MAP2: variants seen among roughly 807,000 people sequenced by gnomAD.
MAP2 encodes microtubule associated protein 2, also known as microtubule-associated protein 2.
In MAP2, 14 loss-of-function variants were observed where a neutral mutation model predicts 137.6. The observed-to-expected ratio is 0.10, with a 90% CI of 0.07 to 0.16. MAP2 has a LOEUF of 0.16. Among genes scored for constraint, MAP2 ranks in the 10% least tolerant of loss-of-function variants. MAP2 has a pLI of 1.00. For synonymous variants in MAP2, 786 were observed against 782.3 expected (o/e 1.00, Z -0.08); for missense variants, 2,088 against 2,191.5 (o/e 0.95, Z 0.94).
chr2:209,733,839 T>C lies in MAP2; in HGVS notation c.*3442T>C, dbSNP rs1345611527. ...AAAGCTTATTTTCAAACTCAGAAAA[T>C]AAAATGTCAATCATAAAAATCTACT... On this transcript the variant is annotated 3_prime_UTR_variant, in exon 16 of 16. Coordinates refer to ENST00000682079, the MANE Select transcript of MAP2 (RefSeq NM_001375505.1). 1 of 152,226 alleles carries C rather than the reference T, an allele frequency of 6.6e-6. No individual in the cohort carries two copies. Among genetic ancestry groups the C allele is most frequent in the South Asian group, 2.1e-4 (1 of 4,812 alleles). 9.4% of individuals were successfully genotyped at this position (152,226 alleles called of 1,614,324 possible).
chr2:209,560,445 C>T (rs1438855900), intron 2 of MAP2, among the ~76,000 whole-genome samples: 1 of 151,134 alleles, frequency 6.6e-6, no homozygotes, highest in Admixed American at 6.6e-5. Flanking sequence ...ACCTATGTCA[C>T]ATTTAAGGAA....
intron 7 of MAP2, among the ~76,000 whole-genome samples, chr2:209,687,639 G>A (rs1369689899): frequency 6.6e-6 from 1 of 152,114 alleles, no homozygotes; most frequent in African/African-American, 2.4e-5. Context: ...CCCTTGTGTA[G>A]GTGTTTGTTT....
At chr2:209,574,279 A>G (rs1338357648) in intron 2 of MAP2, among the ~76,000 whole-genome samples, 1 of 152,084 alleles carries the variant, frequency 6.6e-6, no homozygotes, top group East Asian at 1.9e-4. Context: ...AATTTTTATT[A>G]TTATTGTTAT....
intron 4 of MAP2, among the ~76,000 whole-genome samples, chr2:209,649,185 A>C (rs10169017): frequency 0.18 from 27,617 of 151,816 alleles, 3,529 homozygotes; most frequent in African/African-American, 0.36. Flanking sequence ...CTAATTAAAA[A>C]AAAATTTTTT....
chr2:209,640,916 C>G (rs899988054), intron 4 of MAP2, among the ~76,000 whole-genome samples: 5 of 118,204 alleles, frequency 4.2e-5, no homozygotes, highest in Non-Finnish European at 9.0e-5. Flanking sequence ...ACTGCCATTT[C>G]TTCTCCAACT....
chr2:209,449,918 T>C (rs1249090181), intron 1 of MAP2, among the ~76,000 whole-genome samples: 1 of 152,156 alleles, frequency 6.6e-6, no homozygotes, highest in Non-Finnish European at 1.5e-5. Flanking sequence ...AAGTCACTTA[T>C]CTTTTTTATT....
At chr2:209,594,892 A>T (rs2080822208) in intron 3 of MAP2, among the ~76,000 whole-genome samples, 1 of 152,196 alleles carries the variant, frequency 6.6e-6, no homozygotes, top group South Asian at 2.1e-4. Context: ...ATAAATGTCA[A>T]CTGTCTTTAT....
intron 1 of MAP2, among the ~76,000 whole-genome samples, chr2:209,494,805 T>C (rs767994285): frequency 7.2e-5 from 11 of 152,208 alleles, no homozygotes; most frequent in Admixed American, 3.3e-4. Context: ...CTAAAAGAGA[T>C]TGAGATATTT....
intron 3 of MAP2, among the ~76,000 whole-genome samples, chr2:209,599,493 T>C (rs1425414933): frequency 2.0e-5 from 3 of 152,186 alleles, no homozygotes; most frequent in Non-Finnish European, 4.4e-5. Context: ...TAGGCATTCA[T>C]TTTTCTTGTG....
chr2:209,691,866 T>C, intron 7 of MAP2, among the ~76,000 whole-genome samples: 1 of 152,230 alleles, frequency 6.6e-6, no homozygotes, highest in South Asian at 2.1e-4. Context: ...GATTTTCTTA[T>C]ATCTACCGTA....
chr2:209,658,142 A>G (rs77055741), intron 5 of MAP2, among the ~76,000 whole-genome samples: 5,039 of 152,264 alleles, frequency 0.033, 272 homozygotes, highest in African/African-American at 0.11. Flanking sequence ...GATCTTATAA[A>G]AGGGCAAAAG....
chr2:209,553,727 G>T (rs908098280), intron 2 of MAP2, among the ~76,000 whole-genome samples: 6 of 151,998 alleles, frequency 3.9e-5, no homozygotes, highest in Admixed American at 3.3e-4. Context: ...TATTTAATTT[G>T]TCCTCATCCC....
At chr2:209,668,924 C>T (rs2047523178) in intron 5 of MAP2, among the ~76,000 whole-genome samples, 1 of 151,952 alleles carries the variant, frequency 6.6e-6, no homozygotes, top group African/African-American at 2.4e-5. Context: ...TACTTCCCCC[C>T]ATAAGATTAC....
At chr2:209,634,604 A>T (rs1398764025) in intron 4 of MAP2, among the ~76,000 whole-genome samples, 1 of 152,162 alleles carries the variant, frequency 6.6e-6, no homozygotes, top group Non-Finnish European at 1.5e-5. Context: ...GGACACACCT[A>T]ATCGCAAGGG....
intron 5 of MAP2, among the ~76,000 whole-genome samples, chr2:209,665,401 A>G (rs927781885): frequency 3.3e-5 from 5 of 152,170 alleles, no homozygotes; most frequent in Non-Finnish European, 5.9e-5. Context: ...TTAGGTTGAA[A>G]ATGCCACTGA....
At chr2:209,716,503 A>C (rs759361560) in intron 13 of MAP2, among the ~76,000 whole-genome samples, 42 of 152,242 alleles carry the variant, frequency 2.8e-4, no homozygotes, top group Non-Finnish European at 5.6e-4. Flanking sequence ...ACAAATTCAT[A>C]AACTTTTTAA....
intron 11 of MAP2, among the ~76,000 whole-genome samples, chr2:209,705,018 G>T (rs1016450631): frequency 1.8e-4 from 28 of 151,654 alleles, no homozygotes; most frequent in African/African-American, 6.8e-4. Context: ...ATACATCAGG[G>T]TTTAATACTA....
chr2:209,610,446 C>CTT (rs200610671), intron 3 of MAP2, among the ~76,000 whole-genome samples: 1 of 145,598 alleles, frequency 6.9e-6, no homozygotes, highest in Non-Finnish European at 1.5e-5. Flanking sequence ...ATTGTTTTTA[C>CTT]TTTTTTTTTT....
chr2:209,730,430 T>A lies in MAP2; in HGVS notation c.*33T>A. On this transcript the variant is annotated 3_prime_UTR_variant, in exon 16 of 16. Coordinates refer to ENST00000682079, the MANE Select transcript of MAP2 (RefSeq NM_001375505.1). ...TCATTTAGCATTGAAATAATAATAT[T>A]TAGGCATGAGCTCTTGGCAGGAGTG... The A allele has an allele frequency of 6.5e-7, 1 of 1,533,020 alleles. No homozygotes were observed. Among genetic ancestry groups the A allele is most frequent in the Non-Finnish European group, 9.0e-7 (1 of 1,111,384 alleles). The allele number at this position is 1,533,020 out of a possible 1,614,324, so 95.0% of individuals were successfully genotyped here. A position where few individuals can be genotyped will look rare whatever the true frequency, so the allele number is the denominator to read the frequency against.
Sources: gnomAD v4.1 joint callset for allele counts (sites outside exome capture counted in the v4.1 genomes callset) on GRCh38, gnomAD v4.1.1 for gene constraint, MANE v1.5 for transcripts, NCBI Gene and HGNC (gene_info 2026-07-23, HGNC 2026-07-21) for gene names.